ZNF182: variants seen among roughly 807,000 people sequenced by gnomAD.
The protein encoded by ZNF182 is zinc finger protein 21 (KOX 14).
A neutral mutation model predicts 28.1 loss-of-function variants in ZNF182; 10 were observed. The observed-to-expected ratio is 0.36, with a 90% confidence interval of 0.22 to 0.60. ZNF182 has a LOEUF of 0.60. Ranked by LOEUF, ZNF182 falls within the 20% of genes least tolerant of loss-of-function variation. The probability of loss-of-function intolerance (pLI) is 0.75; values close to 1 mark genes in which losing one functional copy is unlikely to be tolerated. For synonymous variants in ZNF182, 156 were observed against 158.7 expected (o/e 0.98, Z 0.13); for missense variants, 352 against 453.2 (o/e 0.78, Z 2.03).
intron 5 of ZNF182, among the ~76,000 whole-genome samples, chrX:47,980,519 C>T (rs2058901948): frequency 8.9e-6 from 1 of 111,952 alleles, no homozygotes; most frequent in African/African-American, 3.2e-5. Flanking sequence ...TTGATCATGA[C>T]ACACTGTATA....
intron 3 of ZNF182, among the ~76,000 whole-genome samples, chrX:47,989,264 C>T (rs2058933066): frequency 9.1e-6 from 1 of 110,169 alleles, no homozygotes; most frequent in Non-Finnish European, 1.9e-5. Flanking sequence ...CCCATCTCTA[C>T]TAAAATACAA....
Position 47,976,220 on chromosome X carries a change from T to C in ZNF182, c.1810A>G (p.Lys604Glu), listed in dbSNP as rs1556898058. The C allele has an allele frequency of 1.7e-6, 2 of 1,178,871 alleles. No individual in the cohort carries two copies. Among genetic ancestry groups the C allele is most frequent in the East Asian group, 5.9e-5 (2 of 33,716 alleles). The change falls in exon 6 of 6, where the codon AAG (lysine) becomes GAG (glutamate). Residue 604 changes from lysine (K) to glutamate (E), a missense_variant. Lys to Glu is a moderately conservative substitution (Grantham distance 56). Coordinates refer to ENST00000376943, the MANE Select transcript of ZNF182 (RefSeq NM_001007088.2). ...LIVHQRTHAG[K>E]KAHGRGHTRK... Reference sequence around the variant, plus strand: ...GTGTGGCCTCTTCCATGGGCTTTCTTTCCTGCATGGGTTCGCTGATGTACA... The same window carrying C: ...GTGTGGCCTCTTCCATGGGCTTTCTCTCCTGCATGGGTTCGCTGATGTACA...
intron 3 of ZNF182, among the ~76,000 whole-genome samples, chrX:47,997,619 C>T (rs781858291): frequency 8.1e-5 from 9 of 110,723 alleles, no homozygotes; most frequent in African/African-American, 3.0e-4. Context: ...ATGGCAAAAC[C>T]CCGTCTCTAC....
At chrX:47,996,806 T>C (rs5953138) in intron 3 of ZNF182, among the ~76,000 whole-genome samples, 2,708 of 111,493 alleles carry the variant, frequency 0.024, 29 homozygotes, top group Middle Eastern at 0.069. Context: ...TTGCTCTCTG[T>C]GTGTGTGAGC....
chrX:47,990,659 TAATA>T (rs1210267631), intron 3 of ZNF182, among the ~76,000 whole-genome samples: 4 of 111,931 alleles, frequency 3.6e-5, no homozygotes, highest in Non-Finnish European at 7.5e-5. Context: ...TCAACCTCAT[TAATA>T]AATAAATGAA....
chrX:47,976,125 ACTTT>A lies in ZNF182; in HGVS notation c.*38_*41del. The A allele has an allele frequency of 2.8e-6, 3 of 1,054,192 alleles. No homozygotes were observed. Among genetic ancestry groups the A allele is most frequent in the East Asian group, 3.2e-5 (1 of 30,958 alleles). The allele number at this position is 1,054,192 out of a possible 1,213,427, so 86.9% of individuals were successfully genotyped here. A position where few individuals can be genotyped will look rare whatever the true frequency, so the allele number is the denominator to read the frequency against. ...TTAAAATGTGAGTAAAATTGACACAACTTTCTTTCAGTGTCCATAATAGATACTG... is the reference window on the plus strand; with the variant it reads ...TTAAAATGTGAGTAAAATTGACACAACTTTCAGTGTCCATAATAGATACTG... On this transcript the variant is annotated 3_prime_UTR_variant, in exon 6 of 6. Transcript: ENST00000376943.
rs1056888394 is a variant in ZNF182 at position 47,975,822 on chromosome X, C to T, written c.*345G>A. ...TACCACTGTTATATCTATGGTTCCG[C>T]GCCTCGGGGTATATCCCGAACCTCA... is the stretch of plus-strand genomic sequence containing the variant. On this transcript the variant is annotated 3_prime_UTR_variant, in exon 6 of 6. Transcript: ENST00000376943. 14 of 160,340 alleles carry T rather than the reference C, an allele frequency of 8.7e-5. No individual in the cohort carries two copies. The highest frequency in any genetic ancestry group is 2.1e-4 in the African/African-American group (7 of 32,560). 13.2% of individuals were successfully genotyped at this position (160,340 alleles called of 1,213,427 possible). A position where few individuals can be genotyped will look rare whatever the true frequency, so the allele number is the denominator to read the frequency against.
Position 47,976,899 on chromosome X carries a change from A to T in ZNF182, c.1131T>A (p.His377Gln). 1 of 1,210,014 alleles carries T rather than the reference A, an allele frequency of 8.3e-7. No homozygotes were observed. The highest frequency in any genetic ancestry group is 1.1e-6 in the Non-Finnish European group (1 of 894,944). ...KSTLIIHQRT[H>Q]TGEKPHKCTE... ...TACATTTATGAGGTTTCTCTCCCGT[A>T]TGAGTTCTCTGGTGTATAATGAGAG... The change falls in exon 6 of 6, where the codon CAT (histidine) becomes CAA (glutamine). Residue 377 changes from histidine (H) to glutamine (Q), a missense_variant. Physicochemically the swap from His to Gln is conservative, Grantham distance 24. Transcript: ENST00000376943.
intron 3 of ZNF182, among the ~76,000 whole-genome samples, chrX:47,983,751 G>T (rs1408603524): frequency 8.9e-6 from 1 of 111,834 alleles, no homozygotes; most frequent in East Asian, 2.8e-4. Context: ...AATAGATGTG[G>T]ATGGGTTATT....
intron 3 of ZNF182, among the ~76,000 whole-genome samples, chrX:47,988,354 C>T (rs1394666562): frequency 9.0e-6 from 1 of 110,649 alleles, no homozygotes; most frequent in Non-Finnish European, 1.9e-5. Context: ...AAAGGGAGGG[C>T]ATGGTGGGAG....
intron 3 of ZNF182, among the ~76,000 whole-genome samples, chrX:47,991,127 T>A (rs1556900406): frequency 9.0e-6 from 1 of 111,601 alleles, no homozygotes; most frequent in East Asian, 2.8e-4. Flanking sequence ...AAGGAGGTAA[T>A]TAAGGTTAAA....
chrX:47,979,540 C>T (rs980889542), intron 5 of ZNF182, among the ~76,000 whole-genome samples: 8 of 110,931 alleles, frequency 7.2e-5, no homozygotes, highest in African/African-American at 2.6e-4. Context: ...GGAATTATAA[C>T]AGTGCCCACC....
intron 5 of ZNF182, among the ~76,000 whole-genome samples, chrX:47,979,866 GGTGT>G (rs56350180): frequency 0.02 from 1,835 of 89,643 alleles, 21 homozygotes; most frequent in Middle Eastern, 0.041. Context: ...GTGTGTGTGG[GGTGT>G]GTGTGTGTGT....
intron 3 of ZNF182, among the ~76,000 whole-genome samples, chrX:47,992,774 C>T (rs2058946216): frequency 9.0e-6 from 1 of 111,525 alleles, no homozygotes; most frequent in East Asian, 2.8e-4. Flanking sequence ...CTGCCCCACA[C>T]ACCCAAACCT....
chrX:47,983,953 G>A (rs1333586963), intron 3 of ZNF182, among the ~76,000 whole-genome samples: 2 of 111,541 alleles, frequency 1.8e-5, no homozygotes, highest in African/African-American at 6.5e-5. Context: ...CCTCATAAAG[G>A]AAAAGACAAG....
chrX:47,976,226 C>T lies in ZNF182; in HGVS notation c.1804G>A (p.Ala602Thr). 1 of 1,183,030 alleles carries T rather than the reference C, an allele frequency of 8.5e-7. No individual in the cohort carries two copies. Among genetic ancestry groups the T allele is most frequent in the Non-Finnish European group, 1.1e-6 (1 of 884,417 alleles). ...SNLIVHQRTH[A>T]GKKAHGRGHT... is the part of the protein sequence containing the mutation. ...CCTCTTCCATGGGCTTTCTTTCCTG[C>T]ATGGGTTCGCTGATGTACAATAAGG... The change falls in exon 6 of 6, where the codon GCA becomes ACA. Residue 602 changes from alanine to threonine, a missense_variant. Transcript: ENST00000376943.
chrX:47,990,921 A>C (rs2058939275), intron 3 of ZNF182, among the ~76,000 whole-genome samples: 1 of 112,277 alleles, frequency 8.9e-6, no homozygotes. Flanking sequence ...AGACATGCAC[A>C]TTCATTCCCT....
At chrX:47,998,161 T>C (rs1457454692) in intron 3 of ZNF182, among the ~76,000 whole-genome samples, 2 of 108,066 alleles carry the variant, frequency 1.9e-5, no homozygotes, top group African/African-American at 6.8e-5. Flanking sequence ...CTTGGCTCAC[T>C]GCAACCTCCG....
Position 47,975,543 on chromosome X carries a change from T to C in ZNF182, c.*624A>G, listed in dbSNP as rs1386430899. 9.1e-6 allele frequency: 1 copy of C among 110,171 alleles called. No individual in the cohort carries two copies. Among genetic ancestry groups the C allele is most frequent in the Non-Finnish European group, 1.9e-5 (1 of 52,697 alleles). The allele number at this position is 110,171 out of a possible 1,213,427, so 9.1% of individuals were successfully genotyped here. A position where few individuals can be genotyped will look rare whatever the true frequency, so the allele number is the denominator to read the frequency against. ...TTTTTTTTTTTTGACAACTGAGAAT[T>C]TTTTCCCCCCACAGCTGTTCGTTCT... is the stretch of plus-strand genomic sequence containing the variant. On this transcript the variant is annotated 3_prime_UTR_variant, in exon 6 of 6. Coordinates refer to ENST00000376943, the MANE Select transcript of ZNF182 (RefSeq NM_001007088.2).
Sources: gnomAD v4.1 joint callset for allele counts (sites outside exome capture counted in the v4.1 genomes callset) on GRCh38, gnomAD v4.1.1 for gene constraint, MANE v1.5 for transcripts, NCBI Gene and HGNC (gene_info 2026-07-23, HGNC 2026-07-21) for gene names.